Variants in PASD1 observed in about 807,000 individuals in gnomAD.
PASD1 encodes PAS domain containing repressor 1, also known as circadian clock protein PASD1.
PASD1 carries 13 observed loss-of-function variants against 58.8 expected under a neutral mutation model. That is an observed-to-expected ratio of 0.22 (90% confidence interval 0.14 to 0.35). The LOEUF (loss-of-function observed/expected upper bound fraction) is 0.35. PASD1 is among the 10% of genes least tolerant of loss of function. The pLI, the probability that PASD1 is intolerant of heterozygous loss-of-function variation, is 1.00. For synonymous variants in PASD1, 236 were observed against 216.7 expected (o/e 1.09, Z -0.78); for missense variants, 734 against 568.3 (o/e 1.29, Z -2.96).
At chrX:151,630,781 T>C (rs1423456545) in intron 8 of PASD1, among the ~76,000 whole-genome samples, 1 of 112,810 alleles carries the variant, frequency 8.9e-6, no homozygotes, top group Non-Finnish European at 1.9e-5. Flanking sequence ...GGTGGGAATT[T>C]GAAGTATTTA....
At chrX:151,614,207 A>C (rs956722974) in intron 4 of PASD1, among the ~76,000 whole-genome samples, 3 of 110,545 alleles carry the variant, frequency 2.7e-5, no homozygotes, top group Non-Finnish European at 5.7e-5. Flanking sequence ...CTGGTCTCGA[A>C]CTCCTGACCT....
At position 151,607,701 on chromosome X, in the gene PASD1, A is replaced by G. The variant is rs755306288; in HGVS notation, c.117+2967A>G. On this transcript the variant is annotated intron_variant, in intron 3 of 15. Coordinates refer to ENST00000370357, the MANE Select transcript of PASD1 (RefSeq NM_173493.3). Reference sequence around the variant, plus strand: ...TCATTAGTCAAAAGTCACACCCAGGATGTTAGCAATTCTGTCCTTTGGGTT... The same window carrying G: ...TCATTAGTCAAAAGTCACACCCAGGGTGTTAGCAATTCTGTCCTTTGGGTT... Among the ~76,000 whole-genome samples the G allele has an allele frequency of 2.7e-5, 3 of 111,959 alleles. No individual in the cohort carries two copies. The South Asian group carries it at 1.1e-3, about 42-fold the overall frequency.
chrX:151,656,056 T>G lies in PASD1; in HGVS notation c.718-3657T>G, dbSNP rs150080656. Among the ~76,000 whole-genome samples, 673 of 112,327 alleles carry G rather than the reference T, an allele frequency of 6.0e-3. 6 individuals carry two copies. Among genetic ancestry groups the G allele is most frequent in the African/African-American group, 0.021 (643 of 30,930 alleles). On this transcript the variant is annotated intron_variant, in intron 9 of 15. Transcript: ENST00000370357. ...ATAAGGTGTAAGGAAGGGATCCAGT[T>G]TCAGCTTTCAACATATGTCTAGCCA...
intron 1 of PASD1, among the ~76,000 whole-genome samples, chrX:151,596,556 A>T (rs931555545): frequency 8.9e-6 from 1 of 112,545 alleles, no homozygotes; most frequent in Non-Finnish European, 1.9e-5. Flanking sequence ...AAGCCATAGC[A>T]GACCTCTGTA....
chrX:151,641,638 C>G (rs577685379), intron 8 of PASD1, among the ~76,000 whole-genome samples: 34 of 111,415 alleles, frequency 3.1e-4, no homozygotes, highest in African/African-American at 1.1e-3. Flanking sequence ...GACCCTAACT[C>G]ATTGTCTCAT....
chrX:151,671,013 A>G (rs1423649036), intron 11 of PASD1, 25 bp from the exon 12 acceptor site: 1 of 1,201,937 alleles, frequency 8.3e-7, no homozygotes, highest in Non-Finnish European at 1.1e-6. Flanking sequence ...GCTATACATG[A>G]ACCATAAGTA....
intron 8 of PASD1, among the ~76,000 whole-genome samples, chrX:151,632,787 G>A (rs1391186383): frequency 3.6e-5 from 4 of 111,094 alleles, no homozygotes; most frequent in Non-Finnish European, 7.5e-5. Context: ...TTTACAGTTT[G>A]TGTGATCTTG....
intron 8 of PASD1, among the ~76,000 whole-genome samples, chrX:151,632,149 A>G (rs768049990): frequency 9.6e-4 from 106 of 110,883 alleles, no homozygotes; most frequent in South Asian, 5.5e-3. Context: ...AAAGGGGTAT[A>G]GGGAATGTTA....
intron 11 of PASD1, among the ~76,000 whole-genome samples, chrX:151,669,216 T>G (rs940960104): frequency 9.4e-6 from 1 of 106,413 alleles, no homozygotes; most frequent in East Asian, 2.9e-4. Context: ...ATACATAGTT[T>G]AGTGCCAATT....
intron 3 of PASD1, among the ~76,000 whole-genome samples, 188 bp downstream of exon 3, chrX:151,604,922 G>C (rs1308039291): frequency 8.9e-6 from 1 of 111,908 alleles, no homozygotes; most frequent in Non-Finnish European, 1.9e-5. Flanking sequence ...TTTCTCTCAA[G>C]CTCCCTGGAT....
At chrX:151,660,042 T>C (rs1345932340) in intron 10 of PASD1, among the ~76,000 whole-genome samples, 2 of 112,428 alleles carry the variant, frequency 1.8e-5, no homozygotes, top group Non-Finnish European at 3.8e-5. Flanking sequence ...TCAAGTCTTT[T>C]CTCCTATTTA....
chrX:151,657,319 C>CT (rs768952929), intron 9 of PASD1, among the ~76,000 whole-genome samples: 15 of 111,091 alleles, frequency 1.4e-4, no homozygotes, highest in East Asian at 2.8e-4. Context: ...CTAAAATTCT[C>CT]TTTTTTTTGT....
Position 151,655,526 on chromosome X carries a change from A to T in PASD1, c.718-4187A>T, listed in dbSNP as rs915820951. Among the ~76,000 whole-genome samples the T allele has an allele frequency of 2.7e-5, 3 of 111,529 alleles. No individual in the cohort carries two copies. In the Admixed American group the frequency reaches 2.8e-4, roughly 11 times the overall value. On this transcript the variant is annotated intron_variant, in intron 9 of 15. Coordinates refer to ENST00000370357, the MANE Select transcript of PASD1 (RefSeq NM_173493.3). ...CCTCTCCAGCACCTGTTCTTTCCTG[A>T]CTTTTTAATGATTTTTATTCTAACT...
intron 9 of PASD1, among the ~76,000 whole-genome samples, chrX:151,649,689 C>T (rs1009759854): frequency 8.9e-6 from 1 of 111,854 alleles, no homozygotes; most frequent in Non-Finnish European, 1.9e-5. Flanking sequence ...ATATTAGATG[C>T]ACAAATGAGT....
intron 4 of PASD1, among the ~76,000 whole-genome samples, chrX:151,619,583 TG>T (rs1444120547): frequency 9.0e-6 from 1 of 111,426 alleles, no homozygotes; most frequent in Non-Finnish European, 1.9e-5. Flanking sequence ...TGTGGTGTCC[TG>T]GAAGTCAAGT....
At chrX:151,601,684 T>A in intron 2 of PASD1, 103 bp downstream of exon 2, 4 of 852,135 alleles carry the variant, frequency 4.7e-6, no homozygotes, top group Non-Finnish European at 6.8e-6. Context: ...GGAAGCCTGA[T>A]TCACTCAGAG....
At chrX:151,653,751 C>CTTCTTTCTTTCTTTCTTTCT (rs1246137820) in intron 9 of PASD1, among the ~76,000 whole-genome samples, 11 of 16,966 alleles carry the variant, frequency 6.5e-4, no homozygotes, top group Non-Finnish European at 1.1e-3. Context: ...TCTTTCCTTC[C>CTTCTTTCTTTCTTTCTTTCT]TTCTTTCTTT....
At position 151,564,717 on chromosome X, in the gene PASD1, T is replaced by TA. The variant is rs72264125; in HGVS notation, c.-28+894dup. On this transcript the variant is annotated intron_variant, in intron 1 of 15. Transcript: ENST00000370357. The stretch of plus-strand genomic sequence containing the variant: ...AGCGAGACCTGTTCTCTACAAAAAT[T>TA]AAAAAAAAAAAAAAAATTAGCTGGG... Among the ~76,000 whole-genome samples, 87 of 97,760 alleles carry TA rather than the reference T, an allele frequency of 8.9e-4. 1 individual carries two copies. Among genetic ancestry groups the TA allele is most frequent in the East Asian group, 5.2e-3 (16 of 3,051 alleles). The allele number at this position is 97,760 out of a possible 115,157, so 84.9% of individuals were successfully genotyped here. A position where few individuals can be genotyped will look rare whatever the true frequency, so the allele number is the denominator to read the frequency against.
chrX:151,595,457 GC>G lies in PASD1; in HGVS notation c.-27-6068del, dbSNP rs752723488. ...TTGCAGGCCGGGCGCAGTGGCTTAC[GC>G]CTGTAATCCCAGGACTTTGGGAGGC... is the stretch of plus-strand genomic sequence containing the variant. On this transcript the variant is annotated intron_variant, in intron 1 of 15. Coordinates refer to ENST00000370357, the MANE Select transcript of PASD1 (RefSeq NM_173493.3). Among the ~76,000 whole-genome samples the G allele has an allele frequency of 9.7e-3, 1,085 of 111,299 alleles. 19 individuals are homozygous for G. The highest frequency in any genetic ancestry group is 0.034 in the African/African-American group (1,023 of 30,529).
Sources: allele counts gnomAD v4.1 joint callset (sites outside exome capture counted in the v4.1 genomes callset), GRCh38; gene constraint gnomAD v4.1.1; transcripts MANE v1.5; gene names NCBI Gene and HGNC (gene_info 2026-07-23, HGNC 2026-07-21).